The following ADAT1 variants were observed in gnomAD, a reference collection of about 807,000 sequenced individuals.
ADAT1 encodes tRNA-specific adenosine deaminase 1.
ADAT1 carries 58 observed loss-of-function variants against 58.6 expected under a neutral mutation model. That is an observed-to-expected ratio of 0.99 (90% CI 0.80 to 1.23). The LOEUF (loss-of-function observed/expected upper bound fraction) is 1.23. Among genes scored for constraint, ADAT1 ranks in the 50% most tolerant of loss-of-function variants. The pLI is 0.00. For missense variants in ADAT1, 741 were observed against 608.6 expected (o/e 1.22, Z -2.29); for synonymous variants, 254 against 220.8 (o/e 1.15, Z -1.33).
In ADAT1 at chr16:75,612,848, G is replaced by T; in HGVS notation, c.438C>A (p.Ser146=). 1 of 1,613,680 alleles carries T rather than the reference G, an allele frequency of 6.2e-7. No homozygotes were observed. The highest frequency in any genetic ancestry group is 8.5e-7 in the Non-Finnish European group (1 of 1,179,828). ...CTTCAAACTCAAGCATCGGAATGAT[G>T]GAGGCATCCCCACCTGCAGAGAATG... is the stretch of plus-strand genomic sequence containing the variant. The part of the protein sequence containing the change: ...FSSHTPCGDA[S]IIPMLEFEDQ... Residue 146 remains serine, a synonymous_variant, in exon 6 of 10, where the codon TCC becomes TCA. Transcript: ENST00000564657.
In ADAT1 at chr16:75,598,578, G is replaced by A. The variant is rs2081133151; in HGVS notation, c.*1638C>T. 6.6e-6 allele frequency among the ~76,000 whole-genome samples: 1 copy of A among 151,098 alleles called. No individual in the cohort carries two copies. The highest frequency in any genetic ancestry group is 6.6e-5 in the Admixed American group (1 of 15,172). Reference sequence around the variant, plus strand: ...CTGTCACCCAGGCTGGAGTGCAATGGCATGATCTTGACTCACTGCAACCTC... The same window carrying A: ...CTGTCACCCAGGCTGGAGTGCAATGACATGATCTTGACTCACTGCAACCTC... On this transcript the variant is annotated 3_prime_UTR_variant, in exon 10 of 10. Transcript: ENST00000564657.
At chr16:75,609,409 A>T (rs757961706) in intron 6 of ADAT1, among the ~76,000 whole-genome samples, 11 of 152,202 alleles carry the variant, frequency 7.2e-5, no homozygotes, top group Non-Finnish European at 1.6e-4. Flanking sequence ...TGCCAACATG[A>T]TGCTGGTCTA....
Position 75,620,316 on chromosome 16 carries a change from G to T in ADAT1, c.188C>A (p.Ser63Ter). 2 of 1,614,042 alleles carry T rather than the reference G, an allele frequency of 1.2e-6. No individual in the cohort carries two copies. The highest frequency in any genetic ancestry group is 2.2e-5 in the South Asian group (2 of 91,064). The change falls in exon 3 of 10, where the codon TCA (serine) becomes TAA (stop). Residue 63 changes from serine (S) to a stop codon, truncating the protein, a stop_gained. Transcript: ENST00000564657. LOFTEE classifies it high-confidence loss of function. ...TATGCATTTTGTTCCTGTTCCCATT[G>T]ACACAACTTCCTTTGTCACTGTGGG... ...KPVQVTKEVV[S>*]MGTGTKCIGQ...
At chr16:75,604,474 TACACACACACAC>T (rs373687206) in intron 8 of ADAT1, among the ~76,000 whole-genome samples, 82 of 53,998 alleles carry the variant, frequency 1.5e-3, no homozygotes, top group East Asian at 0.011. Flanking sequence ...TATATATATA[TACACACACACAC>T]ACACACACAC....
At chr16:75,616,155 T>C (rs1464087067) in intron 5 of ADAT1, among the ~76,000 whole-genome samples, 1 of 152,046 alleles carries the variant, frequency 6.6e-6, no homozygotes, top group Non-Finnish European at 1.5e-5. Context: ...ATTACAGGCA[T>C]GCACCACCAT....
chr16:75,617,385 G>T, intron 4 of ADAT1, 113 bp from the exon 5 acceptor site: 1 of 1,181,296 alleles, frequency 8.5e-7, no homozygotes, highest in Non-Finnish European at 1.2e-6. Context: ...GACTGGTAGT[G>T]ATGGGGAATT....
In ADAT1 at chr16:75,605,304, G is replaced by A. The variant is rs375585657; in HGVS notation, c.1290-2133C>T. Among the ~76,000 whole-genome samples, 7 of 152,100 alleles carry A rather than the reference G, an allele frequency of 4.6e-5. No homozygotes were observed. In the East Asian group the frequency reaches 5.8e-4, roughly 13 times the overall value. ...CGGTTTCGCCATGTTGGCCACACTG[G>A]TCTTGAACTCCTGACCTCAGGTTAT... On this transcript the variant is annotated intron_variant, in intron 8 of 9. Coordinates refer to ENST00000564657, the MANE Select transcript of ADAT1 (RefSeq NM_001324445.2).
At chr16:75,615,702 C>G (rs1182930574) in intron 5 of ADAT1, among the ~76,000 whole-genome samples, 1 of 152,050 alleles carries the variant, frequency 6.6e-6, no homozygotes, top group Non-Finnish European at 1.5e-5. Context: ...ACTGGGATCA[C>G]CCCGGTCCTA....
In ADAT1 at chr16:75,597,073, G is replaced by C. The variant is rs184823899; in HGVS notation, c.*3143C>G. ...TTGCCCTGGGGTAGGGGGCGTTGAG[G>C]AACGGGAAGTGACTGCTAATGGGTT... On this transcript the variant is annotated 3_prime_UTR_variant, in exon 10 of 10. Coordinates refer to ENST00000564657, the MANE Select transcript of ADAT1 (RefSeq NM_001324445.2). 1 of 155,290 alleles carries C rather than the reference G, an allele frequency of 6.4e-6. No homozygotes were observed. The highest frequency in any genetic ancestry group is 2.4e-5 in the African/African-American group (1 of 41,526). The allele number at this position is 155,290 out of a possible 1,614,324, so 9.6% of individuals were successfully genotyped here.
At position 75,617,431 on chromosome 16, in the gene ADAT1, G is replaced by T. The variant is rs1455608393; in HGVS notation, c.294-159C>A. Among the ~76,000 whole-genome samples, 4 of 152,190 alleles carry T rather than the reference G, an allele frequency of 2.6e-5. No homozygotes were observed. The East Asian group carries it at 7.7e-4, about 29-fold the overall frequency. On this transcript the variant is annotated intron_variant, in intron 4 of 9. Coordinates refer to ENST00000564657, the MANE Select transcript of ADAT1 (RefSeq NM_001324445.2). ...TCTAGACCAGTGATTCTCAAAGTGTGGTCCCTGTACCAGCAGCATCAGCAT... is the reference window on the plus strand; with the variant it reads ...TCTAGACCAGTGATTCTCAAAGTGTTGTCCCTGTACCAGCAGCATCAGCAT...
chr16:75,606,634 C>G (rs114678694), intron 8 of ADAT1, among the ~76,000 whole-genome samples: 2,104 of 152,268 alleles, frequency 0.014, 58 homozygotes, highest in African/African-American at 0.048. Flanking sequence ...CCTTGAGCCC[C>G]CGTCAAGTCT....
rs2081562560 is a variant in ADAT1, at chr16:75,612,313, A to G, written c.973T>C (p.Tyr325His). The change falls in exon 6 of 10, where the codon TAC becomes CAC. Residue 325 changes from tyrosine to histidine, a missense_variant. Physicochemically the swap from Tyr to His is moderately conservative, Grantham distance 83. Coordinates refer to ENST00000564657, the MANE Select transcript of ADAT1 (RefSeq NM_001324445.2). The part of the protein sequence containing the change: ...LLMHLLEEPI[Y>H]LSAVVIGKCP... ...TTCCCAATGACCACAGCTGACAGGT[A>G]GATGGGCTCTTCCAGCAAGTGCATC... 1 of 1,614,066 alleles carries G rather than the reference A, an allele frequency of 6.2e-7. No individual in the cohort carries two copies. Among genetic ancestry groups the G allele is most frequent in the African/African-American group, 1.3e-5 (1 of 74,932 alleles).
intron 5 of ADAT1, 101 bp from the exon 6 acceptor site, chr16:75,612,962 G>A (rs887802771): frequency 7.8e-6 from 11 of 1,417,506 alleles, no homozygotes; most frequent in Non-Finnish European, 1.0e-5. Context: ...GCAAACTCTT[G>A]GGACCCACAG....
chr16:75,616,017 T>C (rs954908617), intron 5 of ADAT1, among the ~76,000 whole-genome samples: 21 of 151,510 alleles, frequency 1.4e-4, no homozygotes, highest in Non-Finnish European at 1.9e-4. Flanking sequence ...TTTTTTTTTT[T>C]CCCTTCTTTT....
In ADAT1 at chr16:75,620,661, C is replaced by A; in HGVS notation, c.139G>T (p.Ala47Ser). The A allele has an allele frequency of 1.2e-6, 2 of 1,613,646 alleles. No individual in the cohort carries two copies. The highest frequency in any genetic ancestry group is 1.7e-6 in the Non-Finnish European group (2 of 1,180,028). Residue 47 changes from alanine to serine, a missense_variant, in exon 2 of 10, where the codon GCC becomes TCC. Ala to Ser is a moderately conservative substitution (Grantham distance 99). Transcript: ENST00000564657. The part of the protein sequence containing the change: ...VVKIQSPADK[A>S]CDTPDKPVQV... ...ACCGGCTTATCAGGGGTGTCGCAGGCCTTGTCAGCTGGAGATTGTATCTTC... is the reference window on the plus strand; with the variant it reads ...ACCGGCTTATCAGGGGTGTCGCAGGACTTGTCAGCTGGAGATTGTATCTTC...
At chr16:75,618,735 G>A (rs765251858) in intron 3 of ADAT1, 95 bp from the exon 4 acceptor site, 1 of 1,451,784 alleles carries the variant, frequency 6.9e-7, no homozygotes, top group Admixed American at 2.1e-5. Context: ...CAGCACCCAG[G>A]ATGGTCATGT....
chr16:75,619,598 G>A lies in ADAT1; in HGVS notation c.238+668C>T, dbSNP rs1387443047. Reference sequence around the variant, plus strand: ...TAAGGAATTTTCATATTCTTGTTGAGGCCCAAAGCTTCCTGTCATTCAAGA... The same window carrying A: ...TAAGGAATTTTCATATTCTTGTTGAAGCCCAAAGCTTCCTGTCATTCAAGA... On this transcript the variant is annotated intron_variant, in intron 3 of 9. Coordinates refer to ENST00000564657, the MANE Select transcript of ADAT1 (RefSeq NM_001324445.2). The A allele has an allele frequency of 6.6e-6, 3 of 455,000 alleles. No individual in the cohort carries two copies. In the Admixed American group the frequency reaches 7.1e-5, roughly 11 times the overall value. 28.2% of individuals were successfully genotyped at this position (455,000 alleles called of 1,614,324 possible). A position where few individuals can be genotyped will look rare whatever the true frequency, so the allele number is the denominator to read the frequency against.
chr16:75,617,514 A>G (rs1397263119), intron 4 of ADAT1, among the ~76,000 whole-genome samples: 2 of 151,858 alleles, frequency 1.3e-5, no homozygotes, highest in Non-Finnish European at 2.9e-5. Flanking sequence ...CATATCTGTA[A>G]CCCCAGCTAC....
chr16:75,603,548 T>A (rs1396060856), intron 8 of ADAT1, among the ~76,000 whole-genome samples: 1 of 152,178 alleles, frequency 6.6e-6, no homozygotes, highest in Non-Finnish European at 1.5e-5. Context: ...TGAGTGCTGT[T>A]CCCTGTGTGA....
Sources: allele counts gnomAD v4.1 joint callset (sites outside exome capture counted in the v4.1 genomes callset), GRCh38; gene constraint gnomAD v4.1.1; transcripts MANE v1.5; gene names NCBI Gene and HGNC (gene_info 2026-07-23, HGNC 2026-07-21).